Variants in PARP8 observed in about 807,000 individuals in gnomAD.
PARP8 encodes poly(ADP-ribose) polymerase family member 8.
A neutral mutation model predicts 124.1 loss-of-function variants in PARP8; 51 were observed. The observed-to-expected ratio is 0.41, with a 90% CI of 0.33 to 0.52. The LOEUF (loss-of-function observed/expected upper bound fraction) is 0.52. Among genes scored for constraint, PARP8 ranks in the 20% least tolerant of loss-of-function variants. The pLI is 0.21. For missense variants in PARP8, 860 were observed against 1,018.9 expected (o/e 0.84, Z 2.12); for synonymous variants, 391 against 361.5 (o/e 1.08, Z -0.93).
chr5:50,710,999 G>A (rs1754716082), intron 2 of PARP8, among the ~76,000 whole-genome samples: 2 of 152,086 alleles, frequency 1.3e-5, no homozygotes, highest in Non-Finnish European at 2.9e-5. Context: ...AATCAAATGT[G>A]TATATTTGAA....
chr5:50,819,427 C>CTTTTT (rs34347134), intron 15 of PARP8, among the ~76,000 whole-genome samples: 501 of 46,668 alleles, frequency 0.011, 33 homozygotes, highest in South Asian at 0.017. Context: ...ATTTTATCTT[C>CTTTTT]TTTTTTTTTT....
intron 22 of PARP8, 21 bp downstream of exon 22, chr5:50,829,982 C>G: frequency 5.0e-6 from 8 of 1,598,714 alleles, no homozygotes; most frequent in Non-Finnish European, 6.8e-6. Flanking sequence ...TATTTCATTT[C>G]TAAAGTCACA....
chr5:50,669,373 A>G (rs1749739454), intron 2 of PARP8: 2 of 152,228 alleles, frequency 1.3e-5, no homozygotes, highest in Non-Finnish European at 2.9e-5. Flanking sequence ...TTCGTATATG[A>G]CTAATATCCT....
chr5:50,725,477 T>G (rs1756335827), intron 2 of PARP8, among the ~76,000 whole-genome samples: 1 of 152,140 alleles, frequency 6.6e-6, no homozygotes, highest in African/African-American at 2.4e-5. Context: ...AAAAATCTTA[T>G]GTTTAAATCC....
chr5:50,725,344 A>T (rs1424470990), intron 2 of PARP8, among the ~76,000 whole-genome samples: 1 of 152,108 alleles, frequency 6.6e-6, no homozygotes, highest in Non-Finnish European at 1.5e-5. Flanking sequence ...ATTATTTTAC[A>T]TGAACAATCT....
intron 23 of PARP8, chr5:50,833,395 C>A (rs1423916689): frequency 2.2e-6 from 1 of 453,442 alleles, no homozygotes; most frequent in Admixed American, 2.4e-5. Context: ...AGTAGAATGA[C>A]CATCAATCCC....
chr5:50,781,237 C>T (rs1376606466), intron 9 of PARP8, among the ~76,000 whole-genome samples: 4 of 152,118 alleles, frequency 2.6e-5, no homozygotes, highest in Non-Finnish European at 5.9e-5. Context: ...AATTTGGCCA[C>T]ATTCTTTACT....
chr5:50,725,085 A>G (rs1328527185), intron 2 of PARP8, among the ~76,000 whole-genome samples: 1 of 151,122 alleles, frequency 6.6e-6, no homozygotes, highest in Non-Finnish European at 1.5e-5. Flanking sequence ...GTGTATATAT[A>G]TATATATACA....
chr5:50,817,483 C>T (rs1333554766), intron 15 of PARP8, among the ~76,000 whole-genome samples: 1 of 152,152 alleles, frequency 6.6e-6, no homozygotes, highest in Non-Finnish European at 1.5e-5. Context: ...TCAGTTTACC[C>T]GTGCATTTTA....
intron 10 of PARP8, among the ~76,000 whole-genome samples, chr5:50,792,897 G>A (rs1331387350): frequency 6.6e-6 from 1 of 152,014 alleles, no homozygotes; most frequent in Non-Finnish European, 1.5e-5. Flanking sequence ...ACTTTCTGGC[G>A]ATCTGAGTTA....
In PARP8 at chr5:50,691,878, A is replaced by T. The variant is rs73098991; in HGVS notation, c.146+23753A>T. ...ACCTGGTGGCACCTAAGATGTCTTCATCTCCCACAGCCCCTACTTACAATT... is the reference window on the plus strand; with the variant it reads ...ACCTGGTGGCACCTAAGATGTCTTCTTCTCCCACAGCCCCTACTTACAATT... On this transcript the variant is annotated intron_variant, in intron 2 of 25. Transcript: ENST00000281631. 9.3e-4 allele frequency among the ~76,000 whole-genome samples: 141 copies of T among 152,276 alleles called. 1 individual carries two copies. Among genetic ancestry groups the T allele is most frequent in the African/African-American group, 3.3e-3 (136 of 41,566 alleles).
At chr5:50,770,217 T>G (rs1444829110) in intron 7 of PARP8, among the ~76,000 whole-genome samples, 1 of 152,174 alleles carries the variant, frequency 6.6e-6, no homozygotes, top group African/African-American at 2.4e-5. Context: ...CAATTTCTGT[T>G]CTTACCCACA....
intron 14 of PARP8, among the ~76,000 whole-genome samples, chr5:50,809,404 G>A (rs1303989655): frequency 6.6e-6 from 1 of 151,894 alleles, no homozygotes; most frequent in Non-Finnish European, 1.5e-5. Flanking sequence ...AAAAATCACG[G>A]CAATAGTTTT....
rs555793297 is a variant in PARP8, at chr5:50,814,652, C to G, written c.1576-780C>G. 2.6e-5 allele frequency among the ~76,000 whole-genome samples: 4 copies of G among 152,184 alleles called. No homozygotes were observed. In the East Asian group the frequency reaches 7.8e-4, roughly 30 times the overall value. On this transcript the variant is annotated intron_variant, in intron 14 of 25. Coordinates refer to ENST00000281631, the MANE Select transcript of PARP8 (RefSeq NM_024615.4). The stretch of plus-strand genomic sequence containing the variant: ...GGGCCATACATCCCCACTGGTTAAG[C>G]AGAAGACCAAGTTGGCCTCTGAAAG...
intron 2 of PARP8, among the ~76,000 whole-genome samples, chr5:50,692,035 A>G (rs1752546916): frequency 1.3e-5 from 2 of 152,150 alleles, no homozygotes; most frequent in African/African-American, 4.8e-5. Context: ...TCTTACTTTG[A>G]CTATTCAAAA....
chr5:50,734,353 G>A (rs1757276920), intron 2 of PARP8, among the ~76,000 whole-genome samples: 1 of 152,140 alleles, frequency 6.6e-6, no homozygotes, highest in African/African-American at 2.4e-5. Flanking sequence ...AAAAGGAGAA[G>A]GAAAGGTTTG....
chr5:50,727,819 G>C (rs535493042), intron 2 of PARP8, among the ~76,000 whole-genome samples: 1 of 152,132 alleles, frequency 6.6e-6, no homozygotes. Context: ...GTCAAGTTAT[G>C]GGGCCCTTAT....
At chr5:50,808,008 A>G (rs879342573) in intron 14 of PARP8, among the ~76,000 whole-genome samples, 7 of 151,978 alleles carry the variant, frequency 4.6e-5, no homozygotes, top group Admixed American at 2.6e-4. Context: ...CTGAGAATCT[A>G]TATTTTTGTG....
rs1580240165 is a variant in PARP8 at position 50,759,881 on chromosome 5, A to G, written c.274+149A>G. 4.0e-6 allele frequency: 4 copies of G among 1,006,500 alleles called. No individual in the cohort carries two copies. The East Asian group carries it at 1.3e-4, about 34-fold the overall frequency. The allele number at this position is 1,006,500 out of a possible 1,614,324, so 62.3% of individuals were successfully genotyped here. Reference sequence around the variant, plus strand: ...TCCATACAAATTTTCTATCTAAAGTACATTTTTTAACAATTTTGTAAATGC... The same window carrying G: ...TCCATACAAATTTTCTATCTAAAGTGCATTTTTTAACAATTTTGTAAATGC... On this transcript the variant is annotated intron_variant, in intron 4 of 25. Coordinates refer to ENST00000281631, the MANE Select transcript of PARP8 (RefSeq NM_024615.4).
Sources: allele counts gnomAD v4.1 joint callset (sites outside exome capture counted in the v4.1 genomes callset), GRCh38; gene constraint gnomAD v4.1.1; transcripts MANE v1.5; gene names NCBI Gene and HGNC (gene_info 2026-07-23, HGNC 2026-07-21).